The following DNMT1 variants were observed in gnomAD, a reference collection of about 807,000 sequenced individuals.
DNMT1 encodes the protein DNA methyltransferase 1.
In DNMT1, 24 loss-of-function variants were observed where a neutral mutation model predicts 205.3. The ratio of observed to expected loss-of-function variants is 0.12; its 90% confidence interval spans 0.08 to 0.16. The LOEUF (loss-of-function observed/expected upper bound fraction) is 0.16, where lower values mean the gene tolerates loss of function less well. Among genes scored for constraint, DNMT1 ranks in the 10% least tolerant of loss-of-function variants. The pLI is 1.00. For synonymous variants in DNMT1, 817 were observed against 839.8 expected (o/e 0.97, Z 0.47); for missense variants, 1,293 against 2,177.7 (o/e 0.59, Z 8.09).
At chr19:10,141,757 C>G in intron 30 of DNMT1, 2 of 491,798 alleles carry the variant, frequency 4.1e-6, no homozygotes, top group Admixed American at 6.9e-5. Flanking sequence ...TGCACCAAGA[C>G]ACTAAAACGT....
intron 9 of DNMT1, among the ~76,000 whole-genome samples, chr19:10,171,507 C>A (rs1316827628): frequency 6.6e-6 from 1 of 151,932 alleles, no homozygotes; most frequent in Non-Finnish European, 1.5e-5. Context: ...CCCGTCTCTA[C>A]TAAAAACACA....
intron 30 of DNMT1, 154 bp from the exon 31 acceptor site, chr19:10,141,343 C>T: frequency 1.4e-6 from 1 of 730,700 alleles, no homozygotes; most frequent in Admixed American, 2.2e-5. Context: ...GACTTTGCTA[C>T]AATAGAAACT....
intron 1 of DNMT1, among the ~76,000 whole-genome samples, chr19:10,193,834 C>T (rs191787517): frequency 6.6e-6 from 1 of 152,118 alleles, no homozygotes; most frequent in Non-Finnish European, 1.5e-5. Flanking sequence ...GAAGTGTCCA[C>T]GCCTGGTGAG....
rs954718091 is a variant in DNMT1 at position 10,146,755 on chromosome 19, T to C, written c.2721-231A>G. 2.0e-5 allele frequency among the ~76,000 whole-genome samples: 3 copies of C among 152,120 alleles called. No individual in the cohort carries two copies. The highest frequency in any genetic ancestry group is 2.1e-4 in the South Asian group (1 of 4,826). On this transcript the variant is annotated intron_variant, in intron 27 of 40. Coordinates refer to ENST00000359526, the MANE Select transcript of DNMT1 (RefSeq NM_001130823.3). The surrounding 1 kb of genome is among the most constrained non-coding windows in gnomAD (Gnocchi z 4.4). ...AGAAAATCAGGCAACTTTTGAGTCATTGAGACAAAAACCCTAAGATATCAA... is the reference window on the plus strand; with the variant it reads ...AGAAAATCAGGCAACTTTTGAGTCACTGAGACAAAAACCCTAAGATATCAA...
chr19:10,160,549 G>T, intron 13 of DNMT1, 131 bp from the exon 14 acceptor site: 1 of 918,878 alleles, frequency 1.1e-6, no homozygotes, highest in Non-Finnish European at 1.7e-6. Context: ...CAGTGAGAGG[G>T]CCAGCAGGTG....
rs147134915 is a variant in DNMT1, at chr19:10,154,160, C to T, written c.2019+133G>A. The T allele has an allele frequency of 4.3e-3, 4,088 of 949,902 alleles. 35 individuals are homozygous for T. Among genetic ancestry groups the T allele is most frequent in the South Asian group, 0.019 (1,396 of 74,994 alleles). The allele number at this position is 949,902 out of a possible 1,614,324, so 58.8% of individuals were successfully genotyped here. ...ATGCAGGGTCCTCCCAGACCACTAA[C>T]TAATTTCTGTCTCAGGGGTCACATT... On this transcript the variant is annotated intron_variant, in intron 22 of 40. Coordinates refer to ENST00000359526, the MANE Select transcript of DNMT1 (RefSeq NM_001130823.3). This position sits in a 1 kb window ranked among gnomAD's most constrained non-coding sequence, Gnocchi z 6.3.
intron 17 of DNMT1, among the ~76,000 whole-genome samples, chr19:10,158,138 G>GCAGCCC (rs2038494790): frequency 6.6e-6 from 1 of 152,282 alleles, no homozygotes; most frequent in Non-Finnish European, 1.5e-5. Context: ...CAGGACTCTG[G>GCAGCCC]CAGCCCCAGC....
chr19:10,173,680 CG>C (rs2038873583), intron 8 of DNMT1, among the ~76,000 whole-genome samples, 190 bp downstream of exon 8: 2 of 151,834 alleles, frequency 1.3e-5, no homozygotes, highest in Admixed American at 6.6e-5. Flanking sequence ...TTAGTAGAGA[CG>C]GGGTTTCGCC....
At chr19:10,144,932 A>G (rs1001406262) in intron 28 of DNMT1, among the ~76,000 whole-genome samples, 1 of 152,166 alleles carries the variant, frequency 6.6e-6, no homozygotes, top group African/African-American at 2.4e-5. Context: ...TTTAGTAGAG[A>G]CAGGTATGTC....
intron 27 of DNMT1, among the ~76,000 whole-genome samples, chr19:10,148,444 C>T (rs548357529): frequency 1.4e-5 from 2 of 146,450 alleles, no homozygotes; most frequent in Non-Finnish European, 3.0e-5. Flanking sequence ...TGCAGTAAGC[C>T]AAGATCGCAC....
chr19:10,172,423 A>T (rs1412641993), intron 9 of DNMT1, among the ~76,000 whole-genome samples: 3 of 151,572 alleles, frequency 2.0e-5, no homozygotes, highest in Non-Finnish European at 4.4e-5. Flanking sequence ...AAAAAAAAAA[A>T]AGTTTTAGCA....
At position 10,135,079 on chromosome 19, in the gene DNMT1, G is replaced by C. The variant is rs371384362; in HGVS notation, c.4773+657C>G. 2.0e-5 allele frequency among the ~76,000 whole-genome samples: 3 copies of C among 151,942 alleles called. No homozygotes were observed. The South Asian group carries it at 6.2e-4, about 32-fold the overall frequency. Reference sequence around the variant, plus strand: ...ATACAAAAATTAGCCGGGTGTGGTAGCACATGACTGTAATCCCAGCTACTC... The same window carrying C: ...ATACAAAAATTAGCCGGGTGTGGTACCACATGACTGTAATCCCAGCTACTC... On this transcript the variant is annotated intron_variant, in intron 39 of 40. Coordinates refer to ENST00000359526, the MANE Select transcript of DNMT1 (RefSeq NM_001130823.3).
At chr19:10,136,592 C>T (rs1022291291) in intron 37 of DNMT1, among the ~76,000 whole-genome samples, 12 of 151,914 alleles carry the variant, frequency 7.9e-5, no homozygotes, top group African/African-American at 2.7e-4. Context: ...TGCGACACCA[C>T]GCCCGGCTAA....
rs975957081 is a variant in DNMT1 at position 10,180,186 on chromosome 19, C to G, written c.493+1G>C. The G allele has an allele frequency of 1.2e-6, 1 of 814,532 alleles. No homozygotes were observed. The highest frequency in any genetic ancestry group is 2.0e-6 in the Non-Finnish European group (1 of 497,564). The allele number at this position is 814,532 out of a possible 1,614,324, so 50.5% of individuals were successfully genotyped here. Reference sequence around the variant, plus strand: ...AATTAGCTGGGTGTGGTGGCACATACCTCTAATCCCAGTTACTTGGGAGGC... The same window carrying G: ...AATTAGCTGGGTGTGGTGGCACATAGCTCTAATCCCAGTTACTTGGGAGGC... On this transcript the variant is annotated splice_donor_variant, in intron 5 of 40. Coordinates refer to ENST00000359526, the MANE Select transcript of DNMT1 (RefSeq NM_001130823.3). LOFTEE classifies it high-confidence loss of function.
At position 10,134,314 on chromosome 19, in the gene DNMT1, G is replaced by C; in HGVS notation, c.4774-7C>G. 6.2e-7 allele frequency: 1 copy of C among 1,613,830 alleles called. No individual in the cohort carries two copies. The highest frequency in any genetic ancestry group is 8.5e-7 in the Non-Finnish European group (1 of 1,179,914). On this transcript the variant is annotated splice_region_variant and splice_polypyrimidine_tract_variant and intron_variant, in intron 39 of 40. Transcript: ENST00000359526. The stretch of plus-strand genomic sequence containing the variant: ...GTGGCACGGCATTGCCCACCTGCAG[G>C]AGGGGAGAAGGGCAATGCCTGATGT...
At position 10,156,927 on chromosome 19, in the gene DNMT1, T is replaced by C. The variant is rs1318266978; in HGVS notation, c.1281-418A>G. The stretch of plus-strand genomic sequence containing the variant: ...CCACCATGCCTGGCCCCGACACTCA[T>C]TTTTTGGTTGCGGGAACACTGGATT... On this transcript the variant is annotated intron_variant, in intron 17 of 40. Transcript: ENST00000359526. This position sits in a 1 kb window ranked among gnomAD's most constrained non-coding sequence, Gnocchi z 4.2. Among the ~76,000 whole-genome samples, 3 of 152,138 alleles carry C rather than the reference T, an allele frequency of 2.0e-5. No individual in the cohort carries two copies. The highest frequency in any genetic ancestry group is 7.2e-5 in the African/African-American group (3 of 41,418).
chr19:10,173,300 A>T, intron 8 of DNMT1, 126 bp from the exon 9 acceptor site: 2 of 878,348 alleles, frequency 2.3e-6, no homozygotes. Context: ...TGACAGACAC[A>T]TACTCATTTA....
intron 9 of DNMT1, among the ~76,000 whole-genome samples, chr19:10,172,557 G>A (rs2038844824): frequency 6.6e-6 from 1 of 152,128 alleles, no homozygotes; most frequent in African/African-American, 2.4e-5. Flanking sequence ...CGGTGTGGTG[G>A]CTCATGCCTG....
At chr19:10,162,919 C>T (rs1217732343) in intron 12 of DNMT1, 171 bp from the exon 13 acceptor site, 1 of 691,784 alleles carries the variant, frequency 1.4e-6, no homozygotes, top group Non-Finnish European at 2.5e-6. Context: ...TTCAGAGGCC[C>T]CAGGGTCCCC....
Sources: allele counts gnomAD v4.1 joint callset (sites outside exome capture counted in the v4.1 genomes callset), GRCh38; gene constraint gnomAD v4.1.1; non-coding constraint Gnocchi (gnomAD v3.1); transcripts MANE v1.5; gene names NCBI Gene and HGNC (gene_info 2026-07-23, HGNC 2026-07-21).